Variants in PVT1 observed in about 807,000 individuals in gnomAD.
PVT1 encodes the protein CXCR4/PVT1 fusion.
intron 4 of PVT1, among the ~76,000 whole-genome samples, chr8:128,015,530 C>G (rs1234004339): frequency 6.6e-6 from 1 of 152,094 alleles, no homozygotes; most frequent in Non-Finnish European, 1.5e-5. Context: ...AACCCCAGCA[C>G]TTTGGGAGGC....
intron 3 of PVT1, among the ~76,000 whole-genome samples, chr8:127,945,990 A>G (rs531882247): frequency 3.3e-5 from 5 of 152,300 alleles, no homozygotes; most frequent in African/African-American, 1.2e-4. Context: ...GGTTGGAAAA[A>G]AGAAAGAGTT....
intron 4 of PVT1, among the ~76,000 whole-genome samples, chr8:128,047,129 G>A (rs756635484): frequency 6.6e-6 from 1 of 152,240 alleles, no homozygotes; most frequent in African/African-American, 2.4e-5. Context: ...TCCCAAGTGT[G>A]CAGTTGACAT....
At chr8:127,887,372 G>C (rs942563968) in intron 2 of PVT1, among the ~76,000 whole-genome samples, 2 of 152,084 alleles carry the variant, frequency 1.3e-5, no homozygotes, top group African/African-American at 4.8e-5. Context: ...TGGTCATCAG[G>C]TGCCTAGATT....
chr8:128,008,702 AG>A (rs1817275988), intron 4 of PVT1, among the ~76,000 whole-genome samples: 1 of 152,242 alleles, frequency 6.6e-6, no homozygotes, highest in African/African-American at 2.4e-5. Flanking sequence ...GATAATAAAA[AG>A]AGAATACACA....
chr8:127,989,523 G>C (rs570421765), intron 4 of PVT1, among the ~76,000 whole-genome samples: 18 of 152,254 alleles, frequency 1.2e-4, no homozygotes, highest in African/African-American at 4.3e-4. Context: ...CTAGTGGAGG[G>C]AGGAGCCCAC....
exon 5 of PVT1, chr8:128,070,236 C>A (rs114965164): frequency 1.7e-3 from 264 of 152,602 alleles, no homozygotes; most frequent in Non-Finnish European, 3.7e-4. Flanking sequence ...TAGATCCTGC[C>A]CTGTTTGCTT....
chr8:128,073,705 C>T lies in PVT1; in HGVS notation n.1114+3344C>T, dbSNP rs191859680. Among the ~76,000 whole-genome samples the T allele has an allele frequency of 2.6e-3, 396 of 152,216 alleles. 3 individuals carry two copies. The highest frequency in any genetic ancestry group is 0.014 in the Middle Eastern group (4 of 294). ...CCCTCCCTAGCCCTCCTCACACAGG[C>T]AGTTGCAGATACTGTCTAGAATACC... On this transcript the variant is annotated intron_variant and non_coding_transcript_variant, in intron 5 of 10. Coordinates refer to ENST00000651587, the Ensembl canonical transcript of PVT1.
intron 2 of PVT1, among the ~76,000 whole-genome samples, chr8:127,876,697 C>T (rs1039893483): frequency 6.6e-6 from 1 of 152,172 alleles, no homozygotes; most frequent in African/African-American, 2.4e-5. Flanking sequence ...GGAACCATGT[C>T]AGCTCCTAGG....
chr8:127,900,567 T>C (rs1402959438), intron 3 of PVT1, among the ~76,000 whole-genome samples: 8 of 152,218 alleles, frequency 5.3e-5, no homozygotes, highest in Non-Finnish European at 1.2e-4. Context: ...GTATAAGATG[T>C]CTGCACTTTC....
chr8:127,824,746 A>G (rs932435748), intron 2 of PVT1, among the ~76,000 whole-genome samples: 1 of 152,126 alleles, frequency 6.6e-6, no homozygotes. Flanking sequence ...ATCATTTTTA[A>G]TGCAATATAA....
chr8:127,799,765 A>G (rs76962677), intron 2 of PVT1, among the ~76,000 whole-genome samples: 101 of 152,322 alleles, frequency 6.6e-4, no homozygotes, highest in African/African-American at 2.4e-3. Context: ...AAGGTAGCTA[A>G]TATCATTACT....
rs60029156 is a variant in PVT1, at chr8:128,064,340, G to A, written n.913-5820G>A. Reference sequence around the variant, plus strand: ...ACTCTGGTGGAACGTGTGGGCTCACGTGGGCAGAAGCACATTTGCACACAT... The same window carrying A: ...ACTCTGGTGGAACGTGTGGGCTCACATGGGCAGAAGCACATTTGCACACAT... On this transcript the variant is annotated intron_variant and non_coding_transcript_variant, in intron 4 of 10. Transcript: ENST00000651587. Among the ~76,000 whole-genome samples the A allele has an allele frequency of 4.1e-3, 628 of 152,330 alleles. 6 individuals are homozygous for A. The highest frequency in any genetic ancestry group is 4.6e-3 in the East Asian group (24 of 5,186).
intron 4 of PVT1, among the ~76,000 whole-genome samples, chr8:128,057,334 A>C (rs1193643844): frequency 6.6e-6 from 1 of 152,234 alleles, no homozygotes; most frequent in Non-Finnish European, 1.5e-5. Flanking sequence ...GCACAGAACA[A>C]GGATTCAAAC....
intron 2 of PVT1, among the ~76,000 whole-genome samples, chr8:127,837,339 G>C (rs1035760567): frequency 2.0e-5 from 3 of 151,956 alleles, no homozygotes; most frequent in African/African-American, 7.2e-5. Context: ...AGAAGGCCGG[G>C]GGTGGGCCTC....
At chr8:127,796,601 G>A (rs1814399295) in intron 2 of PVT1, among the ~76,000 whole-genome samples, 1 of 152,128 alleles carries the variant, frequency 6.6e-6, no homozygotes, top group Admixed American at 6.6e-5. Flanking sequence ...TTTGTCAAGA[G>A]ATCTCCTGGA....
At chr8:128,000,610 C>A (rs1273123672) in intron 4 of PVT1, among the ~76,000 whole-genome samples, 3 of 152,354 alleles carry the variant, frequency 2.0e-5, no homozygotes, top group Admixed American at 1.3e-4. Flanking sequence ...GGAAAACTGG[C>A]AGGTGGGAAG....
chr8:127,920,518 A>G (rs776239345), intron 3 of PVT1, among the ~76,000 whole-genome samples: 1 of 152,218 alleles, frequency 6.6e-6, no homozygotes, highest in Non-Finnish European at 1.5e-5. Context: ...TGAGCATTAA[A>G]TGAATTAGTA....
chr8:128,065,200 ATT>A (rs796232493), intron 4 of PVT1, among the ~76,000 whole-genome samples: 4 of 50,370 alleles, frequency 7.9e-5, no homozygotes, highest in Admixed American at 6.9e-4. Context: ...TTTATTTTTT[ATT>A]TTTTTTTGAG....
intron 4 of PVT1, among the ~76,000 whole-genome samples, chr8:128,005,519 C>G (rs942596603): frequency 1.3e-5 from 2 of 152,224 alleles, no homozygotes; most frequent in Admixed American, 1.3e-4. Flanking sequence ...CTTTCCCCTG[C>G]TATCTTTTGT....
Sources: gnomAD v4.1 joint callset for allele counts (sites outside exome capture counted in the v4.1 genomes callset) on GRCh38, gnomAD v4.1.1 for gene constraint, MANE v1.5 for transcripts, NCBI Gene and HGNC (gene_info 2026-07-23, HGNC 2026-07-21) for gene names.